The following KIRREL3 variants were observed in gnomAD, a reference collection of about 807,000 sequenced individuals.
KIRREL3 encodes the protein kirre like nephrin family adhesion molecule 3.
Under a neutral mutation model 89.7 loss-of-function variants are expected in KIRREL3, and 36 were observed. The ratio of observed to expected loss-of-function variants is 0.40; its 90% confidence interval spans 0.31 to 0.53. The LOEUF is 0.53. Ranked by LOEUF, KIRREL3 falls within the 20% of genes least tolerant of loss-of-function variation. The pLI, the probability that KIRREL3 is intolerant of heterozygous loss-of-function variation, is 0.49. For missense variants in KIRREL3, 864 were observed against 1,056.6 expected, an observed-to-expected ratio of 0.82 and a Z score of 2.53; for synonymous variants, 445 against 441.4, an observed-to-expected ratio of 1.01 and a Z score of -0.10.
chr11:126,727,599 C>T (rs560041440), intron 1 of KIRREL3, among the ~76,000 whole-genome samples: 1 of 152,308 alleles, frequency 6.6e-6, no homozygotes, highest in East Asian at 1.9e-4. Flanking sequence ...CTCCCAGCTC[C>T]CTCGGGGGGG....
At chr11:126,949,711 C>T (rs1948722970) in intron 1 of KIRREL3, among the ~76,000 whole-genome samples, 1 of 152,164 alleles carries the variant, frequency 6.6e-6, no homozygotes, top group Non-Finnish European at 1.5e-5. Context: ...ATCTAGGACA[C>T]GTTCCCAAAA....
At chr11:126,650,232 C>T (rs1177767763) in intron 1 of KIRREL3, among the ~76,000 whole-genome samples, 1 of 152,268 alleles carries the variant, frequency 6.6e-6, no homozygotes, top group Non-Finnish European at 1.5e-5. Flanking sequence ...AAACCTCTGA[C>T]ATGCCCTAGA....
At position 126,917,299 on chromosome 11, in the gene KIRREL3, C is replaced by T. The variant is rs75311395; in HGVS notation, c.55+83156G>A. ...AGATTAAAGGTTATCAGGACTGAGA[C>T]GGAAGGAAGTGGGAGTTATTGCTTA... On this transcript the variant is annotated intron_variant, in intron 1 of 16. Transcript: ENST00000525144. This position sits in a 1 kb window ranked among gnomAD's most constrained non-coding sequence, Gnocchi z 5.0. Among the ~76,000 whole-genome samples the T allele has an allele frequency of 7.9e-3, 1,205 of 152,054 alleles. 16 individuals are homozygous for T. Among genetic ancestry groups the T allele is most frequent in the African/African-American group, 0.027 (1,120 of 41,472 alleles).
rs150048260 is a variant in KIRREL3, at chr11:126,998,006, G to T, written c.55+2449C>A. On this transcript the variant is annotated intron_variant, in intron 1 of 16. Transcript: ENST00000525144. The stretch of plus-strand genomic sequence containing the variant: ...CTGTGTGAGGGTGCCGGGTGGGGGG[G>T]TGTAACCTCAGGCCTCATTCTGGGG... Among the ~76,000 whole-genome samples the T allele has an allele frequency of 2.7e-3, 404 of 152,204 alleles. 3 individuals carry two copies. The Middle Eastern group carries it at 0.054, about 21-fold the overall frequency.
intron 1 of KIRREL3, among the ~76,000 whole-genome samples, chr11:126,980,751 G>T (rs568215747): frequency 6.6e-6 from 1 of 152,132 alleles, no homozygotes; most frequent in Non-Finnish European, 1.5e-5. Flanking sequence ...TGCTCTTTAC[G>T]GAGATTAGGA....
intron 4 of KIRREL3, among the ~76,000 whole-genome samples, chr11:126,497,320 C>CAG (rs796950104): frequency 3.3e-5 from 5 of 151,618 alleles, no homozygotes; most frequent in Admixed American, 1.3e-4. Flanking sequence ...GAGAGTAAGA[C>CAG]AGAGAGAGAG....
At chr11:126,751,396 G>A (rs1255542065) in intron 1 of KIRREL3, among the ~76,000 whole-genome samples, 3 of 152,140 alleles carry the variant, frequency 2.0e-5, no homozygotes, top group Admixed American at 2.0e-4. Context: ...AGAACAGCTG[G>A]GAAGGTTTCA....
intron 1 of KIRREL3, among the ~76,000 whole-genome samples, chr11:126,832,044 GA>G (rs767818443): frequency 1.7e-4 from 26 of 152,284 alleles, no homozygotes; most frequent in Middle Eastern, 3.4e-3. Flanking sequence ...ATTGGAAACT[GA>G]AAAATTCAAT....
intron 13 of KIRREL3, among the ~76,000 whole-genome samples, chr11:126,434,945 ACCC>A: frequency 6.6e-6 from 1 of 152,088 alleles, no homozygotes; most frequent in South Asian, 2.1e-4. Flanking sequence ...GGGCCAGCTG[ACCC>A]CAGAGGCCAG....
Position 126,431,835 on chromosome 11 carries a change from C to T in KIRREL3, c.1589-309G>A. On this transcript the variant is annotated intron_variant, in intron 13 of 16. Transcript: ENST00000525144. The surrounding 1 kb of genome is among the most constrained non-coding windows in gnomAD (Gnocchi z 7.1). ...AAGGGAGGGCCAGGGGACAGGAAGA[C>T]CGGAGATGAGGGGTGGGGCTGGCAC... Among the ~76,000 whole-genome samples, 1 of 152,108 alleles carries T rather than the reference C, an allele frequency of 6.6e-6. No homozygotes were observed. Among genetic ancestry groups the T allele is most frequent in the Non-Finnish European group, 1.5e-5 (1 of 68,004 alleles).
At position 126,425,633 on chromosome 11, in the gene KIRREL3, C is replaced by T. The variant is rs772918693; in HGVS notation, c.1893+5G>A. 5.7e-6 allele frequency: 9 copies of T among 1,575,830 alleles called. No homozygotes were observed. In the South Asian group the frequency reaches 1.0e-4, roughly 18 times the overall value. On this transcript the variant is annotated splice_donor_5th_base_variant and intron_variant, in intron 16 of 16. Coordinates refer to ENST00000525144, the MANE Select transcript of KIRREL3 (RefSeq NM_032531.4). ...CTGTGTCTTATAACCCGGGGCCCTT[C>T]TTACCTTCAGGTTCTGAAACTCTTT...
In KIRREL3 at chr11:126,462,922, G is replaced by T. The variant is rs925130121; in HGVS notation, c.742+235C>A. 1.3e-5 allele frequency among the ~76,000 whole-genome samples: 2 copies of T among 152,200 alleles called. No homozygotes were observed. The highest frequency in any genetic ancestry group is 3.9e-4 in the East Asian group (2 of 5,186). On this transcript the variant is annotated intron_variant, in intron 6 of 16. Coordinates refer to ENST00000525144, the MANE Select transcript of KIRREL3 (RefSeq NM_032531.4). The surrounding 1 kb of genome is among the most constrained non-coding windows in gnomAD (Gnocchi z 4.8). ...GGTGTGAAAGTCCCACCTTGTACAG[G>T]TGTTGAAATGTGGCCTGAAGATGTC...
rs1447116666 is a variant in KIRREL3, at chr11:126,879,341, CT to C, written c.55+121113del. On this transcript the variant is annotated intron_variant, in intron 1 of 16. Transcript: ENST00000525144. The surrounding 1 kb of genome is among the most constrained non-coding windows in gnomAD (Gnocchi z 5.4). ...ATTAATATACACTAACGTGGAATTA[CT>C]GAACCGTCACACACATCTGGAAATG... Among the ~76,000 whole-genome samples, 1 of 152,216 alleles carries C rather than the reference CT, an allele frequency of 6.6e-6. No homozygotes were observed. Among genetic ancestry groups the C allele is most frequent in the African/African-American group, 2.4e-5 (1 of 41,448 alleles).
In KIRREL3 at chr11:126,537,952, T is replaced by C. The variant is rs1591700809; in HGVS notation, c.134-11265A>G. ...TCTGAAGTTGCACCCATTAGAATGC[T>C]GCATGGGTGGTGCAGGAGACAGTGG... On this transcript the variant is annotated intron_variant, in intron 2 of 16. Transcript: ENST00000525144. The surrounding 1 kb of genome is among the most constrained non-coding windows in gnomAD (Gnocchi z 4.3). Among the ~76,000 whole-genome samples the C allele has an allele frequency of 1.3e-5, 2 of 151,998 alleles. No homozygotes were observed.
At position 126,526,742 on chromosome 11, in the gene KIRREL3, G is replaced by T. The variant is rs768485046; in HGVS notation, c.134-55C>A. 6 of 1,521,304 alleles carry T rather than the reference G, an allele frequency of 3.9e-6. No homozygotes were observed. In the South Asian group the frequency reaches 7.3e-5, roughly 19 times the overall value. 94.2% of individuals were successfully genotyped at this position (1,521,304 alleles called of 1,614,324 possible). ...TATCTGCCGGCTACAGGGGCGAGAAGGCTCCCCTCCAGCTATGGAAGCAGA... is the reference window on the plus strand; with the variant it reads ...TATCTGCCGGCTACAGGGGCGAGAATGCTCCCCTCCAGCTATGGAAGCAGA... On this transcript the variant is annotated intron_variant, in intron 2 of 16. Coordinates refer to ENST00000525144, the MANE Select transcript of KIRREL3 (RefSeq NM_032531.4). This position sits in a 1 kb window ranked among gnomAD's most constrained non-coding sequence, Gnocchi z 5.7.
intron 4 of KIRREL3, among the ~76,000 whole-genome samples, chr11:126,506,041 A>G (rs1386437555): frequency 6.6e-6 from 1 of 152,246 alleles, no homozygotes; most frequent in Non-Finnish European, 1.5e-5. Flanking sequence ...CTTTTTAAAC[A>G]AATGATGTCG....
In KIRREL3 at chr11:126,664,727, T is replaced by TTC. The variant is rs1198365641; in HGVS notation, c.56-101817_56-101816dup. 4.6e-5 allele frequency among the ~76,000 whole-genome samples: 7 copies of TTC among 152,182 alleles called. No homozygotes were observed. Among genetic ancestry groups the TTC allele is most frequent in the African/African-American group, 1.7e-4 (7 of 41,440 alleles). On this transcript the variant is annotated intron_variant, in intron 1 of 16. Coordinates refer to ENST00000525144, the MANE Select transcript of KIRREL3 (RefSeq NM_032531.4). The surrounding 1 kb of genome is among the most constrained non-coding windows in gnomAD (Gnocchi z 5.4). ...ACATCTAGGAAGCTGATGTCCTTGT[T>TTC]TCAGGGTCCTGGGAGGCTGTTTCAA... is the stretch of plus-strand genomic sequence containing the variant.
intron 1 of KIRREL3, among the ~76,000 whole-genome samples, chr11:126,741,207 C>T (rs540350764): frequency 4.6e-5 from 7 of 152,292 alleles, no homozygotes; most frequent in Admixed American, 2.6e-4. Context: ...CCACTTTTCC[C>T]ACTCCCTTGG....
intron 1 of KIRREL3, among the ~76,000 whole-genome samples, chr11:126,707,288 C>T (rs1947569123): frequency 1.4e-5 from 2 of 144,318 alleles, no homozygotes; most frequent in South Asian, 4.6e-4. Flanking sequence ...ACATACATCA[C>T]ACATATATAC....
Sources: allele counts gnomAD v4.1 joint callset (sites outside exome capture counted in the v4.1 genomes callset), GRCh38; gene constraint gnomAD v4.1.1; non-coding constraint Gnocchi (gnomAD v3.1); transcripts MANE v1.5; gene names NCBI Gene and HGNC (gene_info 2026-07-23, HGNC 2026-07-21).